GRID1: variants seen among roughly 807,000 people sequenced by gnomAD.
GRID1 encodes glutamate receptor ionotropic, delta-1.
In GRID1, 28 loss-of-function variants were observed where a neutral mutation model predicts 98.0. That is an observed-to-expected ratio of 0.29 (90% CI 0.21 to 0.39). The LOEUF is 0.39. Among genes scored for constraint, GRID1 ranks in the 10% least tolerant of loss-of-function variants. The pLI is 1.00. For synonymous variants in GRID1, 553 were observed against 538.5 expected (o/e 1.03, Z -0.37); for missense variants, 1,111 against 1,340.5 (o/e 0.83, Z 2.67).
chr10:86,068,966 C>T (rs112806343), intron 4 of GRID1, among the ~76,000 whole-genome samples: 1 of 152,182 alleles, frequency 6.6e-6, no homozygotes, highest in Non-Finnish European at 1.5e-5. Flanking sequence ...AGTCCTGCCA[C>T]AGTCAGAAAC....
At chr10:85,904,388 A>C (rs1195755817) in intron 5 of GRID1, among the ~76,000 whole-genome samples, 1 of 152,168 alleles carries the variant, frequency 6.6e-6, no homozygotes, top group Non-Finnish European at 1.5e-5. Context: ...TGGGGAGAGG[A>C]AGCATGCAGA....
chr10:86,271,443 G>GA (rs982927288), intron 2 of GRID1, among the ~76,000 whole-genome samples: 19 of 152,072 alleles, frequency 1.2e-4, no homozygotes, highest in Non-Finnish European at 1.0e-4. Flanking sequence ...CCCATGTGAA[G>GA]AAAAAAATCA....
chr10:85,851,987 T>C (rs1843062823), intron 8 of GRID1, among the ~76,000 whole-genome samples: 2 of 151,522 alleles, frequency 1.3e-5, no homozygotes, highest in African/African-American at 4.8e-5. Flanking sequence ...AAACTACCAC[T>C]CAGCTCTGCC....
chr10:86,106,799 C>A (rs990992661), intron 4 of GRID1, among the ~76,000 whole-genome samples: 1 of 151,968 alleles, frequency 6.6e-6, no homozygotes. Flanking sequence ...ATGGAGAGTT[C>A]CGGGAATGGG....
At chr10:86,281,740 T>G (rs940715513) in intron 2 of GRID1, among the ~76,000 whole-genome samples, 1 of 152,134 alleles carries the variant, frequency 6.6e-6, no homozygotes, top group East Asian at 1.9e-4. Flanking sequence ...TTTTAAAATG[T>G]AGATGCCCAT....
chr10:86,203,530 G>A (rs537907367), intron 3 of GRID1, among the ~76,000 whole-genome samples: 10 of 82,130 alleles, frequency 1.2e-4, no homozygotes, highest in African/African-American at 1.5e-4. Context: ...ACTGGGCACC[G>A]GGTTAAAATT....
chr10:85,999,842 T>C (rs1247613349), intron 4 of GRID1, among the ~76,000 whole-genome samples: 2 of 152,196 alleles, frequency 1.3e-5, no homozygotes. Flanking sequence ...AAGGTATCTA[T>C]TTCTAAAACC....
intron 3 of GRID1, among the ~76,000 whole-genome samples, chr10:86,142,803 G>T (rs1244873313): frequency 1.3e-5 from 2 of 152,216 alleles, no homozygotes; most frequent in South Asian, 4.1e-4. Context: ...AGTCCTCTCA[G>T]TCTGGGGGAA....
intron 8 of GRID1, among the ~76,000 whole-genome samples, chr10:85,819,315 T>G (rs1842741725): frequency 6.6e-6 from 1 of 152,146 alleles, no homozygotes; most frequent in South Asian, 2.1e-4. Flanking sequence ...CCCCAGAAGT[T>G]TATTAATTAT....
intron 2 of GRID1, among the ~76,000 whole-genome samples, chr10:86,342,422 A>G (rs891050155): frequency 2.0e-5 from 3 of 152,210 alleles, no homozygotes; most frequent in Admixed American, 6.5e-5. Flanking sequence ...CTCCTTTCCC[A>G]GTACACACAC....
At position 86,069,894 on chromosome 10, in the gene GRID1, G is replaced by A. The variant is rs552440700; in HGVS notation, c.726+68925C>T. Among the ~76,000 whole-genome samples, 58 of 152,302 alleles carry A rather than the reference G, an allele frequency of 3.8e-4. No homozygotes were observed. In the South Asian group the frequency reaches 4.4e-3, roughly 11 times the overall value. On this transcript the variant is annotated intron_variant, in intron 4 of 15. Transcript: ENST00000327946. Reference sequence around the variant, plus strand: ...AGAAGACCCAGAAAGCCCCAAGTGAGTGGTGCATGGGTGAGGGGAGAGGGG... The same window carrying A: ...AGAAGACCCAGAAAGCCCCAAGTGAATGGTGCATGGGTGAGGGGAGAGGGG...
intron 12 of GRID1, among the ~76,000 whole-genome samples, chr10:85,720,916 A>C (rs1224282767): frequency 6.6e-6 from 1 of 152,214 alleles, no homozygotes; most frequent in Non-Finnish European, 1.5e-5. Context: ...GAGTTTGAAA[A>C]GACAAGCTAT....
chr10:86,266,124 C>T (rs893080900), intron 2 of GRID1, among the ~76,000 whole-genome samples: 3 of 152,068 alleles, frequency 2.0e-5, no homozygotes, highest in African/African-American at 7.2e-5. Context: ...ACTGAGGACC[C>T]CCTGGCCAAC....
intron 8 of GRID1, among the ~76,000 whole-genome samples, chr10:85,836,164 G>A (rs1842909960): frequency 6.6e-6 from 1 of 151,976 alleles, no homozygotes; most frequent in African/African-American, 2.4e-5. Flanking sequence ...AGAAATAAAA[G>A]ATGAGAGCAG....
In GRID1 at chr10:85,813,363, A is replaced by G. The variant is rs374074663; in HGVS notation, c.1233+41133T>C. Among the ~76,000 whole-genome samples, 3 of 151,816 alleles carry G rather than the reference A, an allele frequency of 2.0e-5. No homozygotes were observed. The South Asian group carries it at 6.2e-4, about 31-fold the overall frequency. ...AGCAGCCAGAAGAAAACAACACATT[A>G]TACACAGGGGAAGCAGGATTGGAAT... On this transcript the variant is annotated intron_variant, in intron 8 of 15. Coordinates refer to ENST00000327946, the MANE Select transcript of GRID1 (RefSeq NM_017551.3).
At chr10:86,214,197 G>C (rs1214706215) in intron 2 of GRID1, among the ~76,000 whole-genome samples, 1 of 152,096 alleles carries the variant, frequency 6.6e-6, no homozygotes, top group South Asian at 2.1e-4. Flanking sequence ...CACCCTAATG[G>C]GACCCACAGG....
intron 2 of GRID1, among the ~76,000 whole-genome samples, chr10:86,360,881 T>C (rs576505130): frequency 8.5e-5 from 13 of 152,306 alleles, no homozygotes; most frequent in African/African-American, 3.1e-4. Flanking sequence ...CTCTTATCAC[T>C]GCATGGCACT....
intron 13 of GRID1, among the ~76,000 whole-genome samples, chr10:85,640,155 A>G (rs1843097895): frequency 6.6e-6 from 1 of 152,230 alleles, no homozygotes; most frequent in Admixed American, 6.5e-5. Flanking sequence ...ACATTTCTTG[A>G]ATGGATGAGT....
At chr10:85,830,683 T>C (rs1332846716) in intron 8 of GRID1, among the ~76,000 whole-genome samples, 2 of 152,092 alleles carry the variant, frequency 1.3e-5, no homozygotes, top group Admixed American at 6.6e-5. Flanking sequence ...AAAGATGATA[T>C]GCACATAGCT....
Sources: allele counts gnomAD v4.1 joint callset (sites outside exome capture counted in the v4.1 genomes callset), GRCh38; gene constraint gnomAD v4.1.1; transcripts MANE v1.5; gene names NCBI Gene and HGNC (gene_info 2026-07-23, HGNC 2026-07-21).